The following SDHA variants were observed in gnomAD, a reference collection of about 807,000 sequenced individuals.
The protein encoded by SDHA is succinate dehydrogenase [ubiquinone] flavoprotein subunit, mitochondrial.
A neutral mutation model predicts 78.4 loss-of-function variants in SDHA; 48 were observed. The observed-to-expected ratio is 0.61, with a 90% CI of 0.49 to 0.78. SDHA has a LOEUF of 0.78. Among genes scored for constraint, SDHA ranks in the 30% least tolerant of loss-of-function variants. The pLI is 0.00. For synonymous variants in SDHA, 326 were observed against 353.9 expected, an observed-to-expected ratio of 0.92 and a Z score of 0.88; for missense variants, 680 against 892.7, an observed-to-expected ratio of 0.76 and a Z score of 3.04.
intron 8 of SDHA, 169 bp from the exon 9 acceptor site, chr5:234,975 C>T (rs1735671825): frequency 1.4e-6 from 1 of 713,480 alleles, no homozygotes; most frequent in African/African-American, 1.7e-5. Context: ...TTGTCCCTGG[C>T]ACACAGTAGC....
Position 233,656 on chromosome 5 carries a change from T to C in SDHA, c.1064+11T>C. 6.2e-7 allele frequency: 1 copy of C among 1,613,718 alleles called. No individual in the cohort carries two copies. On this transcript the variant is annotated intron_variant, in intron 8 of 14. Coordinates refer to ENST00000264932, the MANE Select transcript of SDHA (RefSeq NM_004168.4). Reference sequence around the variant, plus strand: ...GATCCGAGAAGGAAGGTGCGTGTGATTTACCACCAGCACTGTCTGAGCGGG... The same window carrying C: ...GATCCGAGAAGGAAGGTGCGTGTGACTTACCACCAGCACTGTCTGAGCGGG...
At chr5:243,244 G>T (rs531389742) in intron 11 of SDHA, among the ~76,000 whole-genome samples, 1 of 152,206 alleles carries the variant, frequency 6.6e-6, no homozygotes, top group East Asian at 1.9e-4. Context: ...GTTTAAACAC[G>T]CTATCAATCA....
Position 230,999 on chromosome 5 carries a change from A to C in SDHA, c.894A>C (p.Thr298=), listed in dbSNP as rs774584410. Residue 298 remains threonine (T), a splice_region_variant and synonymous_variant, in exon 7 of 15, where the codon ACA becomes ACC. Coordinates refer to ENST00000264932, the MANE Select transcript of SDHA (RefSeq NM_004168.4). ...TAGAGTTTGTTCAGTTCCACCCTAC[A>C]GGTAGGGCAGGACGCCTTGCCCGGC... ...QDLEFVQFHP[T]GIYGAGCLIT... 6.2e-7 allele frequency: 1 copy of C among 1,613,890 alleles called. No homozygotes were observed. The highest frequency in any genetic ancestry group is 1.3e-5 in the African/African-American group (1 of 75,052).
At chr5:248,763 G>A (rs755598809) in intron 11 of SDHA, among the ~76,000 whole-genome samples, 10 of 152,178 alleles carry the variant, frequency 6.6e-5, no homozygotes, top group Non-Finnish European at 1.2e-4. Flanking sequence ...CTAAGGGGAT[G>A]TTTAGCTTGA....
At position 233,623 on chromosome 5, in the gene SDHA, A is replaced by G. The variant is rs371484111; in HGVS notation, c.1042A>G (p.Thr348Ala). The G allele has an allele frequency of 1.2e-6, 2 of 1,613,892 alleles. No individual in the cohort carries two copies. Among genetic ancestry groups the G allele is most frequent in the Non-Finnish European group, 1.7e-6 (2 of 1,179,906 alleles). The change falls in exon 8 of 15, where the codon ACT becomes GCT. Residue 348 changes from threonine to alanine, a missense_variant. Thr to Ala is a moderately conservative substitution (Grantham distance 58). Transcript: ENST00000264932. Reference sequence around the variant, plus strand: ...TAGAGATGTGGTGTCTCGGTCCATGACTCTGGAGATCCGAGAAGGAAGGTG... The same window carrying G: ...TAGAGATGTGGTGTCTCGGTCCATGGCTCTGGAGATCCGAGAAGGAAGGTG... ...ASRDVVSRSM[T>A]LEIREGRGCG...
intron 5 of SDHA, among the ~76,000 whole-genome samples, chr5:227,075 A>G (rs926884421): frequency 6.6e-6 from 1 of 152,036 alleles, no homozygotes; most frequent in Admixed American, 6.5e-5. Context: ...CAGTAGCACA[A>G]TCTCAGCTCA....
At position 254,432 on chromosome 5, in the gene SDHA, G is replaced by A. The variant is rs1737047578; in HGVS notation, c.1834G>A (p.Gly612Arg). The A allele has an allele frequency of 3.1e-6, 5 of 1,602,998 alleles. No individual in the cohort carries two copies. The highest frequency in any genetic ancestry group is 4.3e-6 in the Non-Finnish European group (5 of 1,174,948). ...DEYDYSKPIQGQQKKPFEEHW... is the reference protein window; with the variant it reads ...DEYDYSKPIQRQQKKPFEEHW... ...GTACGATTACTCCAAGCCCATCCAG[G>A]GGCAACAGAAGAAGCCCTTTGAGGA... The change falls in exon 14 of 15, where the codon GGG (glycine) becomes AGG (arginine). Residue 612 changes from glycine to arginine, a missense_variant. Physicochemically the swap from Gly to Arg is moderately radical, Grantham distance 125. Coordinates refer to ENST00000264932, the MANE Select transcript of SDHA (RefSeq NM_004168.4).
At chr5:230,781 G>T (rs1185244776) in intron 6 of SDHA, 95 bp from the exon 7 acceptor site, 10 of 1,546,592 alleles carry the variant, frequency 6.5e-6, no homozygotes, top group Non-Finnish European at 8.9e-6. Flanking sequence ...TGAGAAGACG[G>T]TGCTGGGGGC....
At chr5:228,025 C>T (rs1430926290) in intron 5 of SDHA, 160 bp from the exon 6 acceptor site, 1 of 729,824 alleles carries the variant, frequency 1.4e-6, no homozygotes, top group Non-Finnish European at 2.4e-6. Context: ...TGGAATGCCT[C>T]TCGGGCTCTG....
At chr5:239,043 A>G in intron 10 of SDHA, among the ~76,000 whole-genome samples, 1 of 147,932 alleles carries the variant, frequency 6.8e-6, no homozygotes, top group Non-Finnish European at 1.5e-5. Context: ...TTTTTAAAGC[A>G]TTATTATCAA....
Position 251,482 on chromosome 5 carries a change from C to G in SDHA, c.1794+14C>G, listed in dbSNP as rs1412436993. The stretch of plus-strand genomic sequence containing the variant: ...GAAGACTACAAGGTGGGCCTTCTCA[C>G]CACGCCCACCTGCACCTGCCTTTTC... On this transcript the variant is annotated intron_variant, in intron 13 of 14. Transcript: ENST00000264932. 2.4e-5 allele frequency: 39 copies of G among 1,613,748 alleles called. No homozygotes were observed. Among genetic ancestry groups the G allele is most frequent in the Non-Finnish European group, 3.3e-5 (39 of 1,179,860 alleles).
chr5:233,235 G>C (rs1018143862), intron 7 of SDHA, among the ~76,000 whole-genome samples: 46 of 152,154 alleles, frequency 3.0e-4, no homozygotes, highest in Non-Finnish European at 2.4e-4. Flanking sequence ...CTGTGGGCCG[G>C]CCTTTCTCCT....
At chr5:253,689 C>T (rs1344856973) in intron 13 of SDHA, among the ~76,000 whole-genome samples, 2 of 152,318 alleles carry the variant, frequency 1.3e-5, no homozygotes, top group East Asian at 3.9e-4. Context: ...CCCACCTCGG[C>T]CTCCCAAAGT....
At chr5:229,848 T>G (rs1314547674) in intron 6 of SDHA, among the ~76,000 whole-genome samples, 1 of 121,650 alleles carries the variant, frequency 8.2e-6, no homozygotes. Context: ...GCATGCTGGC[T>G]ATCGTTAACA....
rs1126412 is a variant in SDHA, at chr5:228,320, G to A, written c.757G>A (p.Val253Ile). 1 of 1,613,866 alleles carries A rather than the reference G, an allele frequency of 6.2e-7. No homozygotes were observed. Residue 253 changes from valine (V) to isoleucine (I), a missense_variant, in exon 6 of 15, where the codon GTT becomes ATT. Transcript: ENST00000264932. The stretch of plus-strand genomic sequence containing the variant: ...CCATCGCATAAGAGCAAAGAACACT[G>A]TTGTTGCCACAGGGTAGGAATCTCA... ...SIHRIRAKNT[V>I]VATGGYGRTY...
intron 1 of SDHA, among the ~76,000 whole-genome samples, chr5:222,336 C>CT (rs992721885): frequency 6.8e-6 from 1 of 146,410 alleles, no homozygotes; most frequent in African/African-American, 2.6e-5. Context: ...TTTCCTAAAG[C>CT]TTTTTTTTCT....
chr5:225,935 A>G lies in SDHA; in HGVS notation c.509A>G (p.Gln170Arg). The change falls in exon 5 of 15, where the codon CAG becomes CGG. Residue 170 changes from glutamine (Q) to arginine (R), a missense_variant. Coordinates refer to ENST00000264932, the MANE Select transcript of SDHA (RefSeq NM_004168.4). Reference protein sequence around the residue: ...FSRTEDGKIYQRAFGGQSLKF... With the variant: ...FSRTEDGKIYRRAFGGQSLKF... Reference sequence around the variant, plus strand: ...AGAACTGAAGATGGGAAGATTTATCAGCGTGCATTTGGTGGACAGAGCCTC... The same window carrying G: ...AGAACTGAAGATGGGAAGATTTATCGGCGTGCATTTGGTGGACAGAGCCTC... The G allele has an allele frequency of 6.2e-6, 10 of 1,613,826 alleles. No homozygotes were observed. Among genetic ancestry groups the G allele is most frequent in the Non-Finnish European group, 8.5e-6 (10 of 1,180,006 alleles).
At chr5:257,768 C>CG, downstream of SDHA, among the ~76,000 whole-genome samples, 1 of 109,258 alleles carries the variant, frequency 9.2e-6, no homozygotes. Context: ...AGCTCCGCCC[C>CG]TGCCAGAGCA....
At chr5:231,335 G>A (rs1316010336) in intron 7 of SDHA, among the ~76,000 whole-genome samples, 3 of 151,864 alleles carry the variant, frequency 2.0e-5, no homozygotes, top group Non-Finnish European at 4.4e-5. Context: ...CAAGGCGGGC[G>A]GATCACCTGA....
Sources: gnomAD v4.1 joint callset for allele counts (sites outside exome capture counted in the v4.1 genomes callset) on GRCh38, gnomAD v4.1.1 for gene constraint, MANE v1.5 for transcripts, NCBI Gene and HGNC (gene_info 2026-07-23, HGNC 2026-07-21) for gene names.